CLDN11: variants seen among roughly 807,000 people sequenced by gnomAD.
CLDN11 encodes the protein claudin-11.
Under a neutral mutation model 18.0 loss-of-function variants are expected in CLDN11, and 1 was observed. The observed-to-expected ratio is 0.06, with a 90% CI of 0.02 to 0.26. The LOEUF is 0.26. Ranked by LOEUF, CLDN11 falls within the 10% of genes least tolerant of loss-of-function variation. CLDN11 has a pLI of 1.00. For synonymous variants in CLDN11, 116 were observed against 121.5 expected, an observed-to-expected ratio of 0.96 and a Z score of 0.30; for missense variants, 172 against 276.6, an observed-to-expected ratio of 0.62 and a Z score of 2.68.
intron 2 of CLDN11, 56 bp from the exon 3 acceptor site, chr3:170,432,468 C>G (rs1739022815): frequency 1.2e-6 from 2 of 1,605,032 alleles, no homozygotes; most frequent in East Asian, 4.5e-5. Flanking sequence ...TGGGCCTGCC[C>G]AAGTGCTTGG....
chr3:170,429,423 T>C (rs907301821), intron 2 of CLDN11, among the ~76,000 whole-genome samples: 1 of 152,204 alleles, frequency 6.6e-6, no homozygotes, highest in Non-Finnish European at 1.5e-5. Context: ...ACTTTAAGTG[T>C]GTTAAAGTCA....
chr3:170,421,156 G>A (rs1032329255), intron 1 of CLDN11: 17 of 283,098 alleles, frequency 6.0e-5, no homozygotes, highest in African/African-American at 3.7e-4. Flanking sequence ...TGGGGGTGGG[G>A]GGGGGGTGGG....
At chr3:170,421,162 G>T (rs1322098386) in intron 1 of CLDN11, 2 of 273,106 alleles carry the variant, frequency 7.3e-6, no homozygotes, top group Admixed American at 7.9e-5. Flanking sequence ...TGGGGGGGGG[G>T]TGGGGGGCGG....
chr3:170,424,593 A>G (rs1193008399), intron 2 of CLDN11, among the ~76,000 whole-genome samples: 3 of 152,242 alleles, frequency 2.0e-5, no homozygotes, highest in African/African-American at 7.2e-5. Context: ...CCTAATAGAC[A>G]ATATGAATTT....
chr3:170,427,700 G>A (rs1026880616), intron 2 of CLDN11, among the ~76,000 whole-genome samples: 3 of 151,322 alleles, frequency 2.0e-5, no homozygotes, highest in Non-Finnish European at 3.0e-5. Flanking sequence ...TCCCAGCTAC[G>A]CAGGAGGCTG....
chr3:170,432,500 C>A, intron 2 of CLDN11, 24 bp from the exon 3 acceptor site: 1 of 1,609,814 alleles, frequency 6.2e-7, no homozygotes, highest in South Asian at 1.1e-5. Flanking sequence ...TGCGCCCAGT[C>A]ACCGCCTCTC....
chr3:170,421,199 C>T (rs1738715076), intron 1 of CLDN11: 1 of 774,468 alleles, frequency 1.3e-6, no homozygotes, highest in Non-Finnish European at 1.6e-6. Context: ...CTTCCCCCTC[C>T]CTCATACTTT....
chr3:170,420,975 G>GA (rs1468247085), intron 1 of CLDN11, among the ~76,000 whole-genome samples: 1 of 152,170 alleles, frequency 6.6e-6, no homozygotes, highest in Admixed American at 6.5e-5. Flanking sequence ...GATGCTTCAT[G>GA]AATGGTACCT....
At chr3:170,427,225 CA>C (rs1290331160) in intron 2 of CLDN11, among the ~76,000 whole-genome samples, 1 of 152,130 alleles carries the variant, frequency 6.6e-6, no homozygotes, top group African/African-American at 2.4e-5. Flanking sequence ...TCTTAGATAG[CA>C]TATCAAGAAA....
chr3:170,427,806 CAAAAAAAAAAAA>C (rs1175282704), intron 2 of CLDN11, among the ~76,000 whole-genome samples: 35 of 56,100 alleles, frequency 6.2e-4, no homozygotes, highest in African/African-American at 1.9e-3. Flanking sequence ...GAGACTGTCT[CAAAAAAAAAAAA>C]AAAAAAGAAA....
chr3:170,427,806 C>CAAAA (rs1175282704), intron 2 of CLDN11, among the ~76,000 whole-genome samples: 1 of 56,098 alleles, frequency 1.8e-5, no homozygotes, highest in Non-Finnish European at 4.0e-5. Flanking sequence ...GAGACTGTCT[C>CAAAA]AAAAAAAAAA....
rs1738891431 is a variant in CLDN11, at chr3:170,427,705, A to G, written c.391+4378A>G. On this transcript the variant is annotated intron_variant, in intron 2 of 2. Coordinates refer to ENST00000064724, the MANE Select transcript of CLDN11 (RefSeq NM_005602.6). ...GTGCCTGTAATCCCAGCTACGCAGG[A>G]GGCTGAGGCACGAGGATTGCTTGAA... 5.9e-5 allele frequency among the ~76,000 whole-genome samples: 9 copies of G among 151,340 alleles called. 1 individual carries two copies. The South Asian group carries it at 1.9e-3, about 32-fold the overall frequency.
chr3:170,428,534 T>G (rs1408615079), intron 2 of CLDN11, among the ~76,000 whole-genome samples: 2 of 152,232 alleles, frequency 1.3e-5, no homozygotes, highest in Non-Finnish European at 1.5e-5. Flanking sequence ...GAGCAAGGAA[T>G]TCTGCTTATG....
Position 170,432,715 on chromosome 3 carries a change from G to T in CLDN11, c.583G>T (p.Gly195Cys). The change falls in exon 3 of 3, where the codon GGC (glycine) becomes TGC (cysteine). Residue 195 changes from glycine (G) to cysteine (C), a missense_variant. Transcript: ENST00000064724. ...FGENRFYYTA[G>C]SSSPTHAKSA... Reference sequence around the variant, plus strand: ...TGAAAACCGTTTCTACTACACTGCGGGCTCTAGCTCCCCGACTCATGCGAA... The same window carrying T: ...TGAAAACCGTTTCTACTACACTGCGTGCTCTAGCTCCCCGACTCATGCGAA... 1 of 1,614,220 alleles carries T rather than the reference G, an allele frequency of 6.2e-7. No homozygotes were observed. The highest frequency in any genetic ancestry group is 8.5e-7 in the Non-Finnish European group (1 of 1,180,042).
chr3:170,430,384 G>T (rs944394273), intron 2 of CLDN11, among the ~76,000 whole-genome samples: 1 of 152,204 alleles, frequency 6.6e-6, no homozygotes, highest in Admixed American at 6.5e-5. Flanking sequence ...GAGGTTTCAC[G>T]TACACACTGC....
At position 170,432,505 on chromosome 3, in the gene CLDN11, C is replaced by G. The variant is rs1265094841; in HGVS notation, c.392-19C>G. The G allele has an allele frequency of 6.2e-7, 1 of 1,610,408 alleles. No individual in the cohort carries two copies. Among genetic ancestry groups the G allele is most frequent in the African/African-American group, 1.3e-5 (1 of 74,906 alleles). On this transcript the variant is annotated intron_variant, in intron 2 of 2. Coordinates refer to ENST00000064724, the MANE Select transcript of CLDN11 (RefSeq NM_005602.6). The stretch of plus-strand genomic sequence containing the variant: ...GTGTGATGGTTGCGCCCAGTCACCG[C>G]CTCTCCATGTCTCTCCAGCTCTCTG...
rs771849791 is a variant in CLDN11 at position 170,423,179 on chromosome 3, C to T, written c.243C>T (p.Cys81=). Residue 81 remains cysteine (C), a synonymous_variant, in exon 2 of 3, where the codon TGC becomes TGT. Coordinates refer to ENST00000064724, the MANE Select transcript of CLDN11 (RefSeq NM_005602.6). ...TGTTCCCAGGCTACGTGCAGGCCTG[C>T]CGCGCCCTGATGATTGCTGCCTCGG... ...ILILPGYVQA[C]RALMIAASVL... is the part of the protein sequence containing the mutation. 4.3e-6 allele frequency: 7 copies of T among 1,614,086 alleles called. No homozygotes were observed. The highest frequency in any genetic ancestry group is 1.3e-5 in the African/African-American group (1 of 74,928).
chr3:170,425,214 G>C (rs147559716), intron 2 of CLDN11, among the ~76,000 whole-genome samples: 1 of 152,284 alleles, frequency 6.6e-6, no homozygotes, highest in African/African-American at 2.4e-5. Context: ...CCTTCTCCTA[G>C]ACACTTGCTG....
intron 1 of CLDN11, among the ~76,000 whole-genome samples, chr3:170,422,557 G>GGACT (rs1376992084): frequency 6.6e-6 from 1 of 152,068 alleles, no homozygotes; most frequent in Non-Finnish European, 1.5e-5. Flanking sequence ...CAAGTAGCTG[G>GGACT]GACTACAGGC....
Sources: allele counts gnomAD v4.1 joint callset (sites outside exome capture counted in the v4.1 genomes callset), GRCh38; gene constraint gnomAD v4.1.1; transcripts MANE v1.5; gene names NCBI Gene and HGNC (gene_info 2026-07-23, HGNC 2026-07-21).